IPO8: variants seen among roughly 807,000 people sequenced by gnomAD.
IPO8 encodes importin-8.
In IPO8, 65 loss-of-function variants were observed where a neutral mutation model predicts 141.2. That is an observed-to-expected ratio of 0.46 (90% CI 0.38 to 0.57). The LOEUF is 0.57. Ranked by LOEUF, IPO8 falls within the 20% of genes least tolerant of loss-of-function variation. The pLI, the probability that IPO8 is intolerant of heterozygous loss-of-function variation, is 0.00. For missense variants in IPO8, 980 were observed against 1,246.8 expected (o/e 0.79, Z 3.22); for synonymous variants, 411 against 420.3 (o/e 0.98, Z 0.27).
At chr12:30,655,413 G>T (rs2052785863) in intron 17 of IPO8, among the ~76,000 whole-genome samples, 1 of 152,152 alleles carries the variant, frequency 6.6e-6, no homozygotes, top group Non-Finnish European at 1.5e-5. Context: ...TTTGTGGAAT[G>T]ACTAAATCTG....
chr12:30,638,016 C>G (rs376565562), intron 21 of IPO8, among the ~76,000 whole-genome samples: 108 of 152,296 alleles, frequency 7.1e-4, no homozygotes, highest in African/African-American at 2.5e-3. Context: ...CCAACTAGTA[C>G]GCTATAACAG....
At chr12:30,679,693 A>G (rs1225320466) in intron 5 of IPO8, among the ~76,000 whole-genome samples, 1 of 152,190 alleles carries the variant, frequency 6.6e-6, no homozygotes, top group African/African-American at 2.4e-5. Context: ...AAATAGTTTA[A>G]GTATCTAAGT....
At chr12:30,688,651 AAAC>A (rs2136175614) in intron 2 of IPO8, 1 of 186,844 alleles carries the variant, frequency 5.4e-6, no homozygotes, top group East Asian at 1.7e-4. Context: ...AATTATGAAA[AAAC>A]AAATTATGAA....
Position 30,634,125 on chromosome 12 carries a change from T to C in IPO8, c.2857A>G (p.Asn953Asp), listed in dbSNP as rs140391492. 1.7e-4 allele frequency: 279 copies of C among 1,613,878 alleles called. No individual in the cohort carries two copies. The highest frequency in any genetic ancestry group is 1.9e-4 in the Non-Finnish European group (227 of 1,179,890). The change falls in exon 23 of 25, where the codon AAT becomes GAT. Residue 953 changes from asparagine (N) to aspartate (D), a missense_variant. By Grantham distance (23) the Asn-to-Asp change is conservative. Coordinates refer to ENST00000256079, the MANE Select transcript of IPO8 (RefSeq NM_006390.4). ...AAAAACTGATATTCATCCACACTAT[T>C]GTCAAGGTCAAGTGGAGTACTGAAC... The part of the protein sequence containing the change: ...EGFSTPLDLD[N>D]SVDEYQFFTQ...
Position 30,695,062 on chromosome 12 carries a change from TC to T in IPO8, c.84+501del. On this transcript the variant is annotated intron_variant, in intron 1 of 24. Transcript: ENST00000256079. This position sits in a 1 kb window ranked among gnomAD's most constrained non-coding sequence, Gnocchi z 4.2. ...CTCTCCCAACAGCACTGCCCAGCGC[TC>T]CGCAAAACTCGGCCAATCGGTGTCA... The T allele has an allele frequency of 2.2e-6, 1 of 454,536 alleles. No homozygotes were observed. The highest frequency in any genetic ancestry group is 3.3e-4 in the Middle Eastern group (1 of 3,048). 28.2% of individuals were successfully genotyped at this position (454,536 alleles called of 1,614,324 possible). A position where few individuals can be genotyped will look rare whatever the true frequency, so the allele number is the denominator to read the frequency against.
intron 20 of IPO8, among the ~76,000 whole-genome samples, chr12:30,643,553 A>G (rs906063439): frequency 2.0e-5 from 3 of 152,196 alleles, no homozygotes; most frequent in East Asian, 3.9e-4. Flanking sequence ...GGTGGGGCCT[A>G]GTGGGAAGTG....
chr12:30,661,105 G>A, intron 16 of IPO8, 36 bp downstream of exon 16: 1 of 1,345,650 alleles, frequency 7.4e-7, no homozygotes, highest in Non-Finnish European at 9.6e-7. Context: ...TCAGTTAAAT[G>A]CTACTATTAT....
chr12:30,646,891 A>C (rs146410773), intron 20 of IPO8, among the ~76,000 whole-genome samples: 73 of 152,330 alleles, frequency 4.8e-4, no homozygotes, highest in South Asian at 4.1e-3. Context: ...AATACTTCTC[A>C]AACTAATCTA....
At chr12:30,669,110 C>T in intron 10 of IPO8, 73 bp downstream of exon 10, 1 of 627,632 alleles carries the variant, frequency 1.6e-6, no homozygotes, top group Non-Finnish European at 2.7e-6. Flanking sequence ...ATAACATTTG[C>T]TTAAAAATAT....
intron 1 of IPO8, among the ~76,000 whole-genome samples, chr12:30,694,567 A>C (rs757425204): frequency 6.6e-6 from 1 of 152,190 alleles, no homozygotes; most frequent in Non-Finnish European, 1.5e-5. Context: ...AGCTAGTTAA[A>C]ATACAACTGG....
Position 30,687,603 on chromosome 12 carries a change from A to G in IPO8, c.166+2893T>C, listed in dbSNP as rs113948415. 1.1e-3 allele frequency among the ~76,000 whole-genome samples: 169 copies of G among 152,240 alleles called. 1 individual carries two copies. The highest frequency in any genetic ancestry group is 4.0e-3 in the African/African-American group (165 of 41,558). Reference sequence around the variant, plus strand: ...CTTCTCTCCCTTATTACTCTGTGAAAGGCTAGATTAGACAACAAATGTGTC... The same window carrying G: ...CTTCTCTCCCTTATTACTCTGTGAAGGGCTAGATTAGACAACAAATGTGTC... On this transcript the variant is annotated intron_variant, in intron 2 of 24. Transcript: ENST00000256079.
chr12:30,695,156 G>A lies in IPO8; in HGVS notation c.84+408C>T. ...TGCTCCACAGCAACACCTAAAAAGG[G>A]CTGGGTTTGGAAAAAAGCTGAACTC... On this transcript the variant is annotated intron_variant, in intron 1 of 24. Transcript: ENST00000256079. The surrounding 1 kb of genome is among the most constrained non-coding windows in gnomAD (Gnocchi z 4.2). 1 of 379,780 alleles carries A rather than the reference G, an allele frequency of 2.6e-6. No homozygotes were observed. The highest frequency in any genetic ancestry group is 5.1e-6 in the Non-Finnish European group (1 of 194,982). The allele number at this position is 379,780 out of a possible 1,614,324, so 23.5% of individuals were successfully genotyped here.
Position 30,631,497 on chromosome 12 carries a change from TAGAG to T in IPO8, c.3016+394_3016+397del, listed in dbSNP as rs546533635. ...TCAAATAAAGCCCAACAATGAGAAA[TAGAG>T]AGCATTCCATTTCCAGGAATACAAG... On this transcript the variant is annotated intron_variant, in intron 24 of 24. Transcript: ENST00000256079. 4.6e-3 allele frequency: 767 copies of T among 168,452 alleles called. 6 individuals are homozygous for T. Among genetic ancestry groups the T allele is most frequent in the African/African-American group, 0.017 (723 of 41,942 alleles). The allele number at this position is 168,452 out of a possible 1,614,324, so 10.4% of individuals were successfully genotyped here.
chr12:30,631,850 G>A, intron 24 of IPO8, 45 bp downstream of exon 24: 2 of 1,300,090 alleles, frequency 1.5e-6, no homozygotes, highest in Non-Finnish European at 1.1e-6. Flanking sequence ...CTGTCTGTTG[G>A]CACTCTGACA....
chr12:30,691,442 A>G (rs1046959534), intron 1 of IPO8, among the ~76,000 whole-genome samples: 3 of 152,126 alleles, frequency 2.0e-5, no homozygotes, highest in African/African-American at 7.2e-5. Context: ...GGTGTGCTCT[A>G]CTATGATCTG....
At chr12:30,671,388 C>T (rs189699470) in intron 8 of IPO8, among the ~76,000 whole-genome samples, 136 of 152,232 alleles carry the variant, frequency 8.9e-4, no homozygotes, top group South Asian at 5.6e-3. Context: ...ATTACAATAA[C>T]AGGAGCCGGG....
At chr12:30,662,223 A>T (rs2118780) in intron 15 of IPO8, 104 bp downstream of exon 15, 824,358 of 847,546 alleles carry the variant, frequency 0.97, 400,985 homozygotes, top group East Asian at 1. Context: ...AATGTTGTTA[A>T]GCAGCACATG....
At chr12:30,643,904 C>G (rs1424447667) in intron 20 of IPO8, among the ~76,000 whole-genome samples, 1 of 152,216 alleles carries the variant, frequency 6.6e-6, no homozygotes, top group African/African-American at 2.4e-5. Context: ...ATTATTAAAG[C>G]CTACAGCTCA....
chr12:30,638,106 T>C (rs1181745023), intron 21 of IPO8, among the ~76,000 whole-genome samples: 1 of 152,118 alleles, frequency 6.6e-6, no homozygotes, highest in African/African-American at 2.4e-5. Context: ...AAAAGAGGAT[T>C]ATCAAGCAGA....
Sources: gnomAD v4.1 joint callset for allele counts (sites outside exome capture counted in the v4.1 genomes callset) on GRCh38, gnomAD v4.1.1 for gene constraint, Gnocchi (gnomAD v3.1) non-coding constraint, MANE v1.5 for transcripts, NCBI Gene and HGNC (gene_info 2026-07-23, HGNC 2026-07-21) for gene names.